The following RAB27A variants were observed in gnomAD, a reference collection of about 807,000 sequenced individuals.
RAB27A encodes the protein ras-related protein Rab-27A.
A neutral mutation model predicts 20.8 loss-of-function variants in RAB27A; 17 were observed. The ratio of observed to expected loss-of-function variants is 0.82; its 90% CI spans 0.56 to 1.23. The LOEUF is 1.23. Ranked by LOEUF, RAB27A falls within the 50% of genes most tolerant of loss-of-function variation. The probability of loss-of-function intolerance (pLI) is 0.00; values close to 1 mark genes in which losing one functional copy is unlikely to be tolerated. For missense variants in RAB27A, 277 were observed against 266.7 expected (o/e 1.04, Z -0.27); for synonymous variants, 85 against 92.8 (o/e 0.92, Z 0.48).
intron 2 of RAB27A, among the ~76,000 whole-genome samples, chr15:55,241,594 A>T (rs1339046992): frequency 8.0e-6 from 1 of 124,930 alleles, no homozygotes; most frequent in South Asian, 2.4e-4. Context: ...AACTAGCAAG[A>T]CCTATTTATA....
At chr15:55,316,928 G>A (rs116918550) in intron 1 of RAB27A, among the ~76,000 whole-genome samples, 1,902 of 152,232 alleles carry the variant, frequency 0.012, 25 homozygotes, top group Non-Finnish European at 0.016. Flanking sequence ...GCAGGGTAAC[G>A]GAGTGGATTT....
chr15:55,213,752 A>G (rs952388730), intron 6 of RAB27A, among the ~76,000 whole-genome samples: 1 of 152,170 alleles, frequency 6.6e-6, no homozygotes, highest in Non-Finnish European at 1.5e-5. Context: ...ACTGTCTCCT[A>G]TCACCCCCAG....
chr15:55,246,872 G>C (rs1471051404), intron 2 of RAB27A, among the ~76,000 whole-genome samples: 1 of 152,056 alleles, frequency 6.6e-6, no homozygotes, highest in Non-Finnish European at 1.5e-5. Flanking sequence ...CTGAGTGGTT[G>C]CTTTTTGTGA....
At chr15:55,281,567 C>T (rs992953885) in intron 1 of RAB27A, among the ~76,000 whole-genome samples, 1 of 152,032 alleles carries the variant, frequency 6.6e-6, no homozygotes, top group South Asian at 2.1e-4. Flanking sequence ...CAAAAATTAG[C>T]CCAGCATGGT....
intron 2 of RAB27A, among the ~76,000 whole-genome samples, chr15:55,249,723 C>T (rs1344503267): frequency 6.6e-6 from 1 of 152,106 alleles, no homozygotes; most frequent in African/African-American, 2.4e-5. Context: ...CTTTTTGCTA[C>T]TTCATCTGTT....
At chr15:55,302,611 T>C (rs1298347966) in intron 2 of RAB27A, among the ~76,000 whole-genome samples, 17 of 95,080 alleles carry the variant, frequency 1.8e-4, no homozygotes, top group African/African-American at 2.3e-4. Flanking sequence ...CCGGCCACCA[T>C]CCCATCTAGG....
intron 1 of RAB27A, among the ~76,000 whole-genome samples, chr15:55,286,382 G>T (rs1458324040): frequency 6.6e-6 from 1 of 152,172 alleles, no homozygotes; most frequent in Non-Finnish European, 1.5e-5. Context: ...TGTTGTGTGT[G>T]TGTGCTGGTC....
At chr15:55,286,347 T>C (rs1898152762) in intron 1 of RAB27A, among the ~76,000 whole-genome samples, 2 of 152,186 alleles carry the variant, frequency 1.3e-5, no homozygotes, top group African/African-American at 4.8e-5. Context: ...ATCCTGGAGC[T>C]TGTCTTCTAC....
chr15:55,313,745 G>A (rs540524026), intron 2 of RAB27A, among the ~76,000 whole-genome samples: 7 of 152,072 alleles, frequency 4.6e-5, no homozygotes, highest in African/African-American at 9.7e-5. Context: ...AAGCCGAGGC[G>A]GGCGGATCAC....
chr15:55,225,206 C>T (rs941269562), intron 5 of RAB27A, among the ~76,000 whole-genome samples: 1 of 152,146 alleles, frequency 6.6e-6, no homozygotes, highest in Middle Eastern at 3.2e-3. Context: ...TCTGTTAATG[C>T]CTTATAAGGT....
In RAB27A at chr15:55,204,211, A is replaced by C. The variant is rs560689599; in HGVS notation, c.*1296T>G. On this transcript the variant is annotated 3_prime_UTR_variant, in exon 7 of 7. Transcript: ENST00000336787. ...TTTAATAAATAAGACTTTTCACCTAAATGAAATACCTTTGAATTTTATAAA... is the reference window on the plus strand; with the variant it reads ...TTTAATAAATAAGACTTTTCACCTACATGAAATACCTTTGAATTTTATAAA... The C allele has an allele frequency of 9.2e-5, 14 of 152,224 alleles. No individual in the cohort carries two copies. The highest frequency in any genetic ancestry group is 1.8e-4 in the Non-Finnish European group (12 of 68,044). 9.4% of individuals were successfully genotyped at this position (152,224 alleles called of 1,614,324 possible).
At chr15:55,255,156 A>C (rs1706159056) in intron 2 of RAB27A, among the ~76,000 whole-genome samples, 1 of 152,186 alleles carries the variant, frequency 6.6e-6, no homozygotes, top group African/African-American at 2.4e-5. Flanking sequence ...TTTCAACGGC[A>C]ACATCCTCAC....
intron 2 of RAB27A, among the ~76,000 whole-genome samples, chr15:55,249,426 C>G (rs1262089866): frequency 6.6e-6 from 1 of 152,070 alleles, no homozygotes; most frequent in Non-Finnish European, 1.5e-5. Context: ...AGGTATGCAC[C>G]ACCAAAAATG....
At chr15:55,274,630 T>C (rs1897798143) in intron 1 of RAB27A, among the ~76,000 whole-genome samples, 1 of 150,274 alleles carries the variant, frequency 6.7e-6, no homozygotes, top group South Asian at 2.1e-4. Flanking sequence ...ACACAAAAAT[T>C]AGCCAGGCGT....
chr15:55,309,728 G>A (rs1031246887), intron 2 of RAB27A, among the ~76,000 whole-genome samples: 4 of 152,182 alleles, frequency 2.6e-5, no homozygotes, highest in African/African-American at 4.8e-5. Flanking sequence ...ATAAGGGTTA[G>A]GTACAGCTGG....
intron 2 of RAB27A, among the ~76,000 whole-genome samples, chr15:55,303,569 C>T (rs1457309760): frequency 8.9e-5 from 6 of 67,402 alleles, no homozygotes; most frequent in South Asian, 7.4e-4. Context: ...GTGGGGGGGT[C>T]GGCCCCCCGC....
At chr15:55,241,141 G>GTA (rs1474163092) in intron 2 of RAB27A, among the ~76,000 whole-genome samples, 1 of 152,092 alleles carries the variant, frequency 6.6e-6, no homozygotes, top group Non-Finnish European at 1.5e-5. Context: ...GTATAAGAAA[G>GTA]TACATTGAGC....
intron 2 of RAB27A, among the ~76,000 whole-genome samples, chr15:55,297,077 G>C (rs1274350901): frequency 3.9e-5 from 6 of 152,210 alleles, no homozygotes; most frequent in Non-Finnish European, 8.8e-5. Flanking sequence ...AGGGTAAAGG[G>C]AAGCCTTTAT....
At chr15:55,210,412 G>GT (rs572160899) in intron 6 of RAB27A, among the ~76,000 whole-genome samples, 3,033 of 127,896 alleles carry the variant, frequency 0.024, 143 homozygotes, top group African/African-American at 0.079. Context: ...TTTAGGTGTG[G>GT]TTTTTTTTTT....
Sources: allele counts gnomAD v4.1 joint callset (sites outside exome capture counted in the v4.1 genomes callset), GRCh38; gene constraint gnomAD v4.1.1; transcripts MANE v1.5; gene names NCBI Gene and HGNC (gene_info 2026-07-23, HGNC 2026-07-21).